The following PCDH15 variants were observed in gnomAD, a reference collection of about 807,000 sequenced individuals.
PCDH15 encodes the protein protocadherin related 15, also known as protocadherin-15.
A neutral mutation model predicts 178.5 loss-of-function variants in PCDH15; 129 were observed. The ratio of observed to expected loss-of-function variants is 0.72; its 90% confidence interval spans 0.63 to 0.84. The LOEUF is 0.84. PCDH15 is among the 40% of genes least tolerant of loss of function. The pLI is 0.00. For missense variants in PCDH15, 2,230 were observed against 2,099.9 expected, an observed-to-expected ratio of 1.06 and a Z score of -1.21; for synonymous variants, 800 against 732.0, an observed-to-expected ratio of 1.09 and a Z score of -1.50.
intron 1 of PCDH15, among the ~76,000 whole-genome samples, chr10:54,719,702 G>C (rs11004481): frequency 6.6e-6 from 1 of 151,586 alleles, no homozygotes; most frequent in Admixed American, 6.6e-5. Flanking sequence ...GACTGGCCCC[G>C]GTGTGTTTTT....
rs188134699 is a variant in PCDH15 at position 54,247,380 on chromosome 10, G to T, written c.877-10449C>A. Among the ~76,000 whole-genome samples, 253 of 151,942 alleles carry T rather than the reference G, an allele frequency of 1.7e-3. 1 individual carries two copies. The highest frequency in any genetic ancestry group is 5.9e-3 in the African/African-American group (246 of 41,494). ...GGACCAGACAGTACATATGGCACACGGAGACTCAAAAACTTTGAATAAAGT... is the reference window on the plus strand; with the variant it reads ...GGACCAGACAGTACATATGGCACACTGAGACTCAAAAACTTTGAATAAAGT... On this transcript the variant is annotated intron_variant, in intron 8 of 37. Transcript: ENST00000644397.
rs370236326 is a variant in PCDH15 at position 54,734,470 on chromosome 10, GACA to G, written c.-29+66452_-29+66454del. Among the ~76,000 whole-genome samples, 20 of 151,840 alleles carry G rather than the reference GACA, an allele frequency of 1.3e-4. No homozygotes were observed. The East Asian group carries it at 3.7e-3, about 28-fold the overall frequency. ...CATTGCTGGTGAAAATGCAAGATAA[GACA>G]ACAACTTTGGAAAATAGTCTGCCAG... is the stretch of plus-strand genomic sequence containing the variant. On this transcript the variant is annotated intron_variant, in intron 1 of 37. Coordinates refer to ENST00000644397, the MANE Select transcript of PCDH15 (RefSeq NM_001384140.1).
chr10:55,566,902 A>G (rs1445812337), intron 2 of PCDH15, among the ~76,000 whole-genome samples: 2 of 151,852 alleles, frequency 1.3e-5, no homozygotes, highest in Non-Finnish European at 2.9e-5. Context: ...CAAAATCCCA[A>G]TGATGCCTTA....
chr10:54,083,761 A>T (rs2094471737), intron 16 of PCDH15, among the ~76,000 whole-genome samples: 1 of 152,140 alleles, frequency 6.6e-6, no homozygotes, highest in Admixed American at 6.6e-5. Flanking sequence ...TTCACTTTAA[A>T]ATGGTTAATT....
chr10:54,745,662 AGTTAATACTG>A (rs1056606291), intron 1 of PCDH15, among the ~76,000 whole-genome samples: 31 of 152,182 alleles, frequency 2.0e-4, no homozygotes, highest in African/African-American at 7.5e-4. Context: ...GTTTTTAATC[AGTTAATACTG>A]GATTTATTAT....
chr10:55,153,541 A>G (rs2799583), intron 2 of PCDH15, among the ~76,000 whole-genome samples: 143,542 of 152,180 alleles, frequency 0.94, 67,976 homozygotes, highest in East Asian at 1. Context: ...AGAAGCTAGA[A>G]GTCATACAGC....
chr10:54,613,823 G>A (rs770039106), intron 2 of PCDH15, among the ~76,000 whole-genome samples: 37 of 150,992 alleles, frequency 2.5e-4, no homozygotes, highest in African/African-American at 5.1e-4. Flanking sequence ...TGAACTATCC[G>A]GCACCCACGA....
chr10:55,467,393 T>C (rs1019103052), intron 2 of PCDH15, among the ~76,000 whole-genome samples: 1 of 141,072 alleles, frequency 7.1e-6, no homozygotes, highest in African/African-American at 2.6e-5. Context: ...TTTTTTTTTT[T>C]AACTAGGGCA....
intron 14 of PCDH15, among the ~76,000 whole-genome samples, chr10:54,138,415 C>T (rs185694083): frequency 2.0e-5 from 3 of 152,118 alleles, no homozygotes; most frequent in East Asian, 1.9e-4. Context: ...TCTTAGGGCT[C>T]GTTTATTGTT....
chr10:53,846,798 C>A (rs1001948912), intron 28 of PCDH15, among the ~76,000 whole-genome samples: 1 of 151,880 alleles, frequency 6.6e-6, no homozygotes, highest in East Asian at 1.9e-4. Flanking sequence ...GTTGATTTAG[C>A]TTTTTATTTA....
chr10:55,038,243 G>C (rs1840783959), intron 2 of PCDH15, among the ~76,000 whole-genome samples: 1 of 151,892 alleles, frequency 6.6e-6, no homozygotes, highest in Non-Finnish European at 1.5e-5. Context: ...AGTCTTCTTT[G>C]GAATTTGATT....
At chr10:54,043,344 A>T (rs761472187) in intron 18 of PCDH15, among the ~76,000 whole-genome samples, 8 of 151,818 alleles carry the variant, frequency 5.3e-5, no homozygotes, top group Non-Finnish European at 1.0e-4. Flanking sequence ...CTTTACTCAA[A>T]ATCATGCTCA....
At chr10:55,457,046 C>A (rs777164540) in intron 2 of PCDH15, among the ~76,000 whole-genome samples, 1 of 151,944 alleles carries the variant, frequency 6.6e-6, no homozygotes, top group Non-Finnish European at 1.5e-5. Context: ...ATACCAAAAT[C>A]TAGAATTACA....
intron 1 of PCDH15, among the ~76,000 whole-genome samples, chr10:54,719,562 T>C (rs12783198): frequency 0.12 from 18,200 of 151,970 alleles, 1,240 homozygotes; most frequent in East Asian, 0.25. Flanking sequence ...GCAGAATGTG[T>C]AGGTGGTTAC....
chr10:53,871,055 C>G (rs1469968996), intron 26 of PCDH15, among the ~76,000 whole-genome samples: 1 of 151,750 alleles, frequency 6.6e-6, no homozygotes, highest in African/African-American at 2.4e-5. Flanking sequence ...AACTCAAGGC[C>G]GGGCGCGGTG....
chr10:54,717,262 G>C (rs2095492112), intron 1 of PCDH15, among the ~76,000 whole-genome samples: 1 of 120,404 alleles, frequency 8.3e-6, no homozygotes, highest in Non-Finnish European at 1.8e-5. Context: ...TGACAAATGG[G>C]ATCTAATTAA....
At chr10:55,248,366 C>G (rs1449924541) in intron 1 of PCDH15, among the ~76,000 whole-genome samples, 1 of 151,906 alleles carries the variant, frequency 6.6e-6, no homozygotes, top group Non-Finnish European at 1.5e-5. Flanking sequence ...CATTTTGTAT[C>G]TGCCTTAGAA....
intron 2 of PCDH15, among the ~76,000 whole-genome samples, chr10:55,110,915 TC>T (rs1230597851): frequency 1.1e-4 from 17 of 152,142 alleles, no homozygotes; most frequent in African/African-American, 3.6e-4. Context: ...TTTATTTACT[TC>T]TTATTTTTTA....
chr10:55,524,210 G>A (rs764581804), intron 2 of PCDH15, among the ~76,000 whole-genome samples: 9 of 151,578 alleles, frequency 5.9e-5, no homozygotes, highest in Admixed American at 2.6e-4. Flanking sequence ...TAAATAATTC[G>A]GAAATATCGG....
Sources: allele counts gnomAD v4.1 joint callset (sites outside exome capture counted in the v4.1 genomes callset), GRCh38; gene constraint gnomAD v4.1.1; transcripts MANE v1.5; gene names NCBI Gene and HGNC (gene_info 2026-07-23, HGNC 2026-07-21).